The following TUBGCP3 variants were observed in gnomAD, a reference collection of about 807,000 sequenced individuals.
The protein encoded by TUBGCP3 is tubulin gamma complex component 3.
Under a neutral mutation model 123.1 loss-of-function variants are expected in TUBGCP3, and 50 were observed. The observed-to-expected ratio is 0.41, with a 90% CI of 0.32 to 0.51. The LOEUF (loss-of-function observed/expected upper bound fraction) is 0.51. Ranked by LOEUF, TUBGCP3 falls within the 20% of genes least tolerant of loss-of-function variation. The pLI is 0.36. For missense variants in TUBGCP3, 882 were observed against 1,127.0 expected (o/e 0.78, Z 3.11); for synonymous variants, 405 against 413.9 (o/e 0.98, Z 0.26).
chr13:112,504,755 C>T (rs1390285490), intron 17 of TUBGCP3, 41 bp from the exon 18 acceptor site: 1 of 1,506,992 alleles, frequency 6.6e-7, no homozygotes, highest in African/African-American at 1.4e-5. Context: ...AATGCAAGTA[C>T]ACTTACCGAC....
intron 11 of TUBGCP3, among the ~76,000 whole-genome samples, chr13:112,544,065 A>G (rs1878750535): frequency 6.6e-6 from 1 of 152,222 alleles, no homozygotes; most frequent in African/African-American, 2.4e-5. Flanking sequence ...AGTGTTGACA[A>G]GGACGCGGGA....
chr13:112,489,783 C>G (rs1359108089), intron 20 of TUBGCP3, 86 bp from the exon 21 acceptor site: 1 of 1,084,660 alleles, frequency 9.2e-7, no homozygotes, highest in Non-Finnish European at 1.4e-6. Flanking sequence ...ATGTGAGGAG[C>G]AGGAGGTGTC....
At chr13:112,542,759 G>A (rs899167542) in intron 11 of TUBGCP3, among the ~76,000 whole-genome samples, 2 of 152,182 alleles carry the variant, frequency 1.3e-5, no homozygotes, top group Non-Finnish European at 2.9e-5. Flanking sequence ...GTACTGATAA[G>A]TGCTACTTCT....
chr13:112,508,535 T>C lies in TUBGCP3; in HGVS notation c.2087-3821A>G, dbSNP rs1040965066. 6.6e-6 allele frequency among the ~76,000 whole-genome samples: 1 copy of C among 152,052 alleles called. No homozygotes were observed. Among genetic ancestry groups the C allele is most frequent in the South Asian group, 2.1e-4 (1 of 4,810 alleles). ...GCCACGGCACCCTGTGAGACTGCAG[T>C]TCCCACGCACTGATGTCCCTTCCAC... On this transcript the variant is annotated intron_variant, in intron 17 of 21. Transcript: ENST00000261965. This position sits in a 1 kb window ranked among gnomAD's most constrained non-coding sequence, Gnocchi z 4.2.
At chr13:112,560,871 G>C (rs1880462155) in intron 3 of TUBGCP3, among the ~76,000 whole-genome samples, 1 of 152,148 alleles carries the variant, frequency 6.6e-6, no homozygotes, top group Admixed American at 6.5e-5. Flanking sequence ...CAGACAAGTG[G>C]GCAGATGCAA....
chr13:112,490,158 A>T (rs1879981463), intron 20 of TUBGCP3, among the ~76,000 whole-genome samples: 1 of 152,256 alleles, frequency 6.6e-6, no homozygotes, highest in Non-Finnish European at 1.5e-5. Flanking sequence ...ACTTTTTGGT[A>T]CTGGAGATAT....
At chr13:112,534,975 T>C (rs1041181183) in intron 11 of TUBGCP3, among the ~76,000 whole-genome samples, 2 of 152,178 alleles carry the variant, frequency 1.3e-5, no homozygotes, top group African/African-American at 4.8e-5. Context: ...CCTGACAACA[T>C]TAACTACTTT....
intron 19 of TUBGCP3, among the ~76,000 whole-genome samples, chr13:112,501,234 A>G (rs1332666400): frequency 6.6e-6 from 1 of 152,250 alleles, no homozygotes; most frequent in African/African-American, 2.4e-5. Context: ...CAGGGTCTTA[A>G]ATAAGCAACA....
intron 20 of TUBGCP3, 188 bp from the exon 21 acceptor site, chr13:112,489,885 G>A: frequency 5.2e-6 from 3 of 581,862 alleles, no homozygotes; most frequent in Admixed American, 6.1e-5. Flanking sequence ...AGTTAACAAT[G>A]TGTGTTGAAA....
At chr13:112,575,015 A>AC (rs1250429769) in intron 1 of TUBGCP3, among the ~76,000 whole-genome samples, 3 of 152,102 alleles carry the variant, frequency 2.0e-5, no homozygotes, top group African/African-American at 4.8e-5. Flanking sequence ...CTTCAGGGGC[A>AC]CCCCCGCAGT....
chr13:112,602,009 A>C, the TUBGCP3 span, among the ~76,000 whole-genome samples: 1 of 152,194 alleles, frequency 6.6e-6, no homozygotes, highest in Non-Finnish European at 1.5e-5. Context: ...AATCCTCACA[A>C]CAACTGAACA....
chr13:112,531,031 C>T (rs972080375), intron 11 of TUBGCP3, among the ~76,000 whole-genome samples: 24 of 152,158 alleles, frequency 1.6e-4, no homozygotes, highest in African/African-American at 5.1e-4. Context: ...TTTTAAATAA[C>T]GTCATTTTCC....
intron 11 of TUBGCP3, among the ~76,000 whole-genome samples, chr13:112,529,113 A>G (rs558456728): frequency 6.6e-6 from 1 of 152,298 alleles, no homozygotes; most frequent in South Asian, 2.1e-4. Flanking sequence ...TCAGCCTCCC[A>G]AAGTGCTGGG....
At chr13:112,584,133 A>G (rs1263408582) in intron 1 of TUBGCP3, 1 of 152,234 alleles carries the variant, frequency 6.6e-6, no homozygotes, top group East Asian at 1.9e-4. Flanking sequence ...GGCGATTCCA[A>G]TGCATGGCTC....
chr13:112,516,384 G>C (rs1229020313), intron 17 of TUBGCP3, 56 bp downstream of exon 17: 14 of 1,470,118 alleles, frequency 9.5e-6, no homozygotes, highest in African/African-American at 2.8e-5. Flanking sequence ...CGCACCCAGT[G>C]GGGGCTGGAG....
At chr13:112,535,303 C>A (rs1177332110) in intron 11 of TUBGCP3, among the ~76,000 whole-genome samples, 1 of 152,132 alleles carries the variant, frequency 6.6e-6, no homozygotes, top group African/African-American at 2.4e-5. Flanking sequence ...TGGGTATATA[C>A]CTAGGAGTAG....
chr13:112,554,840 T>A (rs1426314762), intron 7 of TUBGCP3, 47 bp downstream of exon 7: 2 of 1,378,288 alleles, frequency 1.5e-6, no homozygotes, highest in East Asian at 4.6e-5. Context: ...CTTCATGACA[T>A]GTTTTTTCTT....
chr13:112,600,349 G>T, the TUBGCP3 span, among the ~76,000 whole-genome samples: 2 of 152,098 alleles, frequency 1.3e-5, no homozygotes, highest in Non-Finnish European at 2.9e-5. Flanking sequence ...TTAATATAAC[G>T]AGCTTCTGAT....
chr13:112,536,015 C>A lies in TUBGCP3; in HGVS notation c.1336-8531G>T, dbSNP rs139811244. On this transcript the variant is annotated intron_variant, in intron 11 of 21. Transcript: ENST00000261965. ...TTGTCCTGTTATCATTTGCTGAATA[C>A]GCTTTTTATCTCCATTGAGTAATCT... Among the ~76,000 whole-genome samples, 841 of 152,306 alleles carry A rather than the reference C, an allele frequency of 5.5e-3. 9 individuals carry two copies. The highest frequency in any genetic ancestry group is 0.019 in the African/African-American group (804 of 41,566).
Sources: gnomAD v4.1 joint callset for allele counts (sites outside exome capture counted in the v4.1 genomes callset) on GRCh38, gnomAD v4.1.1 for gene constraint, Gnocchi (gnomAD v3.1) non-coding constraint, MANE v1.5 for transcripts, NCBI Gene and HGNC (gene_info 2026-07-23, HGNC 2026-07-21) for gene names.